PRKN: variants seen among roughly 807,000 people sequenced by gnomAD.
PRKN encodes parkin RBR E3 ubiquitin protein ligase, also known as E3 ubiquitin-protein ligase parkin.
A neutral mutation model predicts 59.5 loss-of-function variants in PRKN; 56 were observed. The ratio of observed to expected loss-of-function variants is 0.94; its 90% CI spans 0.76 to 1.18. The LOEUF (loss-of-function observed/expected upper bound fraction) is 1.18. Ranked by LOEUF, PRKN falls within the 50% of genes most tolerant of loss-of-function variation. The pLI, the probability that PRKN is intolerant of heterozygous loss-of-function variation, is 0.00. For missense variants in PRKN, 657 were observed against 596.4 expected (o/e 1.10, Z -1.06); for synonymous variants, 250 against 222.1 (o/e 1.13, Z -1.12).
intron 2 of PRKN, among the ~76,000 whole-genome samples, chr6:162,284,470 T>C (rs9346909): frequency 0.55 from 83,850 of 151,734 alleles, 26,395 homozygotes; most frequent in East Asian, 0.85. Flanking sequence ...GTGATCCACC[T>C]GCCTCGGTCT....
At chr6:161,886,810 T>A (rs9355367) in intron 6 of PRKN, among the ~76,000 whole-genome samples, 62,965 of 151,346 alleles carry the variant, frequency 0.42, 13,161 homozygotes, top group East Asian at 0.49. Context: ...CTCTTTTGAG[T>A]TTTTCTTGTT....
chr6:162,187,769 G>T (rs757712329), intron 4 of PRKN, among the ~76,000 whole-genome samples: 2 of 152,078 alleles, frequency 1.3e-5, no homozygotes, highest in Non-Finnish European at 2.9e-5. Context: ...AATGCTATCT[G>T]CCAGGAGGAC....
intron 1 of PRKN, among the ~76,000 whole-genome samples, chr6:162,538,657 G>C (rs186157411): frequency 3.4e-4 from 52 of 152,200 alleles, no homozygotes; most frequent in African/African-American, 1.2e-3. Context: ...ACCGCGTGTG[G>C]GAAGTCAGCC....
chr6:161,707,829 G>A (rs1786571038), intron 7 of PRKN, among the ~76,000 whole-genome samples: 1 of 152,026 alleles, frequency 6.6e-6, no homozygotes, highest in Non-Finnish European at 1.5e-5. Context: ...TTTTATCCAG[G>A]CAAGGAAGCT....
At chr6:162,164,708 A>G (rs983460178) in intron 4 of PRKN, among the ~76,000 whole-genome samples, 2 of 149,112 alleles carry the variant, frequency 1.3e-5, no homozygotes, top group East Asian at 1.9e-4. Flanking sequence ...TTACAGAACA[A>G]TATCAGAAGC....
At chr6:162,485,090 T>G (rs749036090) in intron 1 of PRKN, among the ~76,000 whole-genome samples, 13 of 152,214 alleles carry the variant, frequency 8.5e-5, no homozygotes, top group Non-Finnish European at 1.8e-4. Flanking sequence ...TTCAGAAGTT[T>G]TGTAGTACTT....
intron 7 of PRKN, among the ~76,000 whole-genome samples, chr6:161,675,329 G>A (rs150660933): frequency 3.3e-5 from 5 of 152,288 alleles, no homozygotes; most frequent in East Asian, 3.9e-4. Flanking sequence ...AAGGTATCAT[G>A]TCTGAGTGCC....
In PRKN at chr6:161,458,347, C is replaced by T. The variant is rs757761527; in HGVS notation, c.1084-71470G>A. Among the ~76,000 whole-genome samples the T allele has an allele frequency of 2.6e-5, 4 of 152,142 alleles. No homozygotes were observed. The highest frequency in any genetic ancestry group is 9.7e-5 in the African/African-American group (4 of 41,434). ...GGAATTGTGAAGCACTTTCATCCAG[C>T]ATCTCGGGTGCCTGGTGTGATCGAC... On this transcript the variant is annotated intron_variant, in intron 9 of 11. Transcript: ENST00000366898. The surrounding 1 kb of genome is among the most constrained non-coding windows in gnomAD (Gnocchi z 6.1).
At chr6:161,891,334 A>C (rs891402757) in intron 6 of PRKN, among the ~76,000 whole-genome samples, 1 of 152,206 alleles carries the variant, frequency 6.6e-6, no homozygotes, top group African/African-American at 2.4e-5. Context: ...TTACCATAAA[A>C]GTGACTTTTC....
intron 1 of PRKN, among the ~76,000 whole-genome samples, chr6:162,692,148 A>G (rs1434670275): frequency 7.8e-6 from 1 of 127,428 alleles, no homozygotes; most frequent in African/African-American, 2.8e-5. Flanking sequence ...TAAAACTTAA[A>G]GTATAATAAA....
intron 4 of PRKN, among the ~76,000 whole-genome samples, chr6:162,178,295 A>G (rs1038536027): frequency 6.6e-6 from 1 of 152,204 alleles, no homozygotes; most frequent in African/African-American, 2.4e-5. Context: ...TGATAAATCA[A>G]TTTTAGCAGA....
At chr6:161,571,518 T>TTAGA (rs1175085506) in intron 7 of PRKN, among the ~76,000 whole-genome samples, 2 of 152,180 alleles carry the variant, frequency 1.3e-5, no homozygotes, top group African/African-American at 4.8e-5. Flanking sequence ...GCGATACAGA[T>TTAGA]TAGATCTGTG....
rs2115153629 is a variant in PRKN at position 161,458,383 on chromosome 6, G to A, written c.1084-71506C>T. Among the ~76,000 whole-genome samples, 1 of 152,296 alleles carries A rather than the reference G, an allele frequency of 6.6e-6. No individual in the cohort carries two copies. The highest frequency in any genetic ancestry group is 2.4e-5 in the African/African-American group (1 of 41,578). ...CCTGGTGTGATCGACCATAAGTGCAGCTGATGCAAACCTGGAAGCCGTTAT... is the reference window on the plus strand; with the variant it reads ...CCTGGTGTGATCGACCATAAGTGCAACTGATGCAAACCTGGAAGCCGTTAT... On this transcript the variant is annotated intron_variant, in intron 9 of 11. Transcript: ENST00000366898. This position sits in a 1 kb window ranked among gnomAD's most constrained non-coding sequence, Gnocchi z 6.1.
intron 1 of PRKN, among the ~76,000 whole-genome samples, chr6:162,532,043 A>C (rs1207689032): frequency 6.6e-6 from 1 of 152,156 alleles, no homozygotes; most frequent in African/African-American, 2.4e-5. Flanking sequence ...AGGCAACGAC[A>C]GGTTCTTAGC....
chr6:162,460,496 T>G (rs1791099827), intron 1 of PRKN, among the ~76,000 whole-genome samples: 1 of 152,176 alleles, frequency 6.6e-6, no homozygotes, highest in Admixed American at 6.5e-5. Context: ...ATTTTAGAAT[T>G]TAAATGGGTG....
intron 1 of PRKN, among the ~76,000 whole-genome samples, chr6:162,550,422 G>A (rs1427312734): frequency 6.6e-6 from 1 of 152,186 alleles, no homozygotes; most frequent in Non-Finnish European, 1.5e-5. Flanking sequence ...ATTGCTACAA[G>A]AGAACTCTAG....
At chr6:162,554,141 G>A (rs529374994) in intron 1 of PRKN, among the ~76,000 whole-genome samples, 1 of 152,320 alleles carries the variant, frequency 6.6e-6, no homozygotes, top group Admixed American at 6.5e-5. Context: ...CACTGAAGAT[G>A]AGCAGATCAA....
intron 7 of PRKN, among the ~76,000 whole-genome samples, chr6:161,753,787 GA>G (rs780453661): frequency 1.6e-4 from 25 of 152,312 alleles, no homozygotes; most frequent in Non-Finnish European, 3.4e-4. Flanking sequence ...AAATGGCAAG[GA>G]GGTTGAGACT....
rs1175501223 is a variant in PRKN, at chr6:161,509,879, C to CA, written c.1083+38974dup. On this transcript the variant is annotated intron_variant, in intron 9 of 11. Coordinates refer to ENST00000366898, the MANE Select transcript of PRKN (RefSeq NM_004562.3). ...TGGGTGACAGAGTGAGACTCCATCT[C>CA]AAAAAAAAAAAAAAAAAAAAAAAAG... Among the ~76,000 whole-genome samples, 440 of 48,902 alleles carry CA rather than the reference C, an allele frequency of 9.0e-3. 2 individuals carry two copies. The highest frequency in any genetic ancestry group is 0.016 in the East Asian group (18 of 1,144). The allele number at this position is 48,902 out of a possible 152,430, so 32.1% of individuals were successfully genotyped here. A position where few individuals can be genotyped will look rare whatever the true frequency, so the allele number is the denominator to read the frequency against.
Sources: allele counts gnomAD v4.1 joint callset (sites outside exome capture counted in the v4.1 genomes callset), GRCh38; gene constraint gnomAD v4.1.1; non-coding constraint Gnocchi (gnomAD v3.1); transcripts MANE v1.5; gene names NCBI Gene and HGNC (gene_info 2026-07-23, HGNC 2026-07-21).